The following PIK3CD variants were observed in gnomAD, a reference collection of about 807,000 sequenced individuals.
PIK3CD encodes phosphatidylinositol 4,5-bisphosphate 3-kinase catalytic subunit delta isoform.
PIK3CD carries 20 observed loss-of-function variants against 122.9 expected under a neutral mutation model. The observed-to-expected ratio is 0.16, with a 90% CI of 0.11 to 0.24. The LOEUF is 0.24. Ranked by LOEUF, PIK3CD falls within the 10% of genes least tolerant of loss-of-function variation. The pLI is 1.00. For synonymous variants in PIK3CD, 596 were observed against 593.4 expected (o/e 1.00, Z -0.06); for missense variants, 787 against 1,406.3 (o/e 0.56, Z 7.04).
the PIK3CD span, among the ~76,000 whole-genome samples, chr1:9,636,580 T>C: frequency 6.6e-6 from 1 of 152,212 alleles, no homozygotes; most frequent in African/African-American, 2.4e-5. Context: ...GGCTGCTTGC[T>C]CTTCCATTGA....
rs60167511 is a variant in PIK3CD, at chr1:9,702,500, C to CTTTTTTTTTTTTTTTTTTTTTTTT, written c.-32-7910_-32-7887dup. On this transcript the variant is annotated intron_variant, in intron 2 of 23. Coordinates refer to ENST00000377346, the MANE Select transcript of PIK3CD (RefSeq NM_005026.5). ...GTCCACTTCCAAGGAAAGAACTTTC[C>CTTTTTTTTTTTTTTTTTTTTTTTT]TTTTTTTTTTTTTTTTTTTTTTTTT... Among the ~76,000 whole-genome samples the CTTTTTTTTTTTTTTTTTTTTTTTT allele has an allele frequency of 1.2e-3, 31 of 25,826 alleles. 13 individuals are homozygous for CTTTTTTTTTTTTTTTTTTTTTTTT. Among genetic ancestry groups the CTTTTTTTTTTTTTTTTTTTTTTTT allele is most frequent in the Non-Finnish European group, 3.0e-3 (29 of 9,540 alleles). 16.9% of individuals were successfully genotyped at this position (25,826 alleles called of 152,430 possible). A position where few individuals can be genotyped will look rare whatever the true frequency, so the allele number is the denominator to read the frequency against.
At position 9,710,114 on chromosome 1, in the gene PIK3CD, A is replaced by G. The variant is rs1646990098; in HGVS notation, c.-32-310A>G. 2.7e-6 allele frequency: 1 copy of G among 372,380 alleles called. No individual in the cohort carries two copies. The allele number at this position is 372,380 out of a possible 1,614,324, so 23.1% of individuals were successfully genotyped here. A position where few individuals can be genotyped will look rare whatever the true frequency, so the allele number is the denominator to read the frequency against. On this transcript the variant is annotated intron_variant, in intron 2 of 23. Transcript: ENST00000377346. This position sits in a 1 kb window ranked among gnomAD's most constrained non-coding sequence, Gnocchi z 4.7. ...CTCCCTTCTGTGCCAGCTGGTGGCC[A>G]TGACTGGCTTTCGTGGATGTGTATG...
intron 1 of PIK3CD, among the ~76,000 whole-genome samples, chr1:9,676,693 C>T (rs1388386917): frequency 1.3e-5 from 2 of 152,202 alleles, no homozygotes; most frequent in Admixed American, 6.5e-5. Flanking sequence ...AACCTAAACC[C>T]ACTTCCTTCC....
At position 9,716,473 on chromosome 1, in the gene PIK3CD, G is replaced by A. The variant is rs781191290; in HGVS notation, c.634G>A (p.Val212Met). The change falls in exon 6 of 24, where the codon GTG becomes ATG. Residue 212 changes from valine to methionine, a missense_variant. By Grantham distance (21) the Val-to-Met change is conservative (BLOSUM62 1). Around this residue, in one of 6 missense-constraint regions of PIK3CD, gnomAD observed 592 missense variants for 920.6 expected, o/e 0.64. Coordinates refer to ENST00000377346, the MANE Select transcript of PIK3CD (RefSeq NM_005026.5). ...CACCTTCCAGGTGTCCACCAAGGAC[G>A]TGCCGCTGGCGCTGATGGCCTGTGC... ...SFTFQVSTKDVPLALMACALR... is the reference protein window; with the variant it reads ...SFTFQVSTKDMPLALMACALR... 29 of 1,611,026 alleles carry A rather than the reference G, an allele frequency of 1.8e-5. No homozygotes were observed. Among genetic ancestry groups the A allele is most frequent in the South Asian group, 3.3e-5 (3 of 91,004 alleles).
At chr1:9,684,952 C>G (rs1645913276) in intron 1 of PIK3CD, among the ~76,000 whole-genome samples, 1 of 151,738 alleles carries the variant, frequency 6.6e-6, no homozygotes. Flanking sequence ...AACTCCTGCC[C>G]CAGGTCACAA....
chr1:9,689,562 T>G lies in PIK3CD; in HGVS notation c.-137-1905T>G, dbSNP rs953225579. 3.5e-5 allele frequency among the ~76,000 whole-genome samples: 5 copies of G among 143,608 alleles called. No homozygotes were observed. Among genetic ancestry groups the G allele is most frequent in the Admixed American group, 6.9e-5 (1 of 14,554 alleles). The allele number at this position is 143,608 out of a possible 152,430, so 94.2% of individuals were successfully genotyped here. A position where few individuals can be genotyped will look rare whatever the true frequency, so the allele number is the denominator to read the frequency against. On this transcript the variant is annotated intron_variant, in intron 1 of 23. Coordinates refer to ENST00000377346, the MANE Select transcript of PIK3CD (RefSeq NM_005026.5). The surrounding 1 kb of genome is among the most constrained non-coding windows in gnomAD (Gnocchi z 6.1). ...GCCGCGCCCCTCCGCCGAGCCCCGC[T>G]TGCCTGCACCTCGCGCGGCGGGCCT...
chr1:9,720,530 G>A lies in PIK3CD; in HGVS notation c.1471-81G>A. ...GGACAGCGCCCCCTCAAGGATGATT[G>A]GGGTGGCAATGCCCGGCCTGGGGGT... is the stretch of plus-strand genomic sequence containing the variant. On this transcript the variant is annotated intron_variant, in intron 11 of 23. Transcript: ENST00000377346. This position sits in a 1 kb window ranked among gnomAD's most constrained non-coding sequence, Gnocchi z 9.0. The A allele has an allele frequency of 6.5e-7, 1 of 1,544,430 alleles. No homozygotes were observed.
chr1:9,668,989 C>T (rs780372471), intron 1 of PIK3CD, among the ~76,000 whole-genome samples: 5 of 152,030 alleles, frequency 3.3e-5, no homozygotes, highest in African/African-American at 4.8e-5. Flanking sequence ...TCATTCAAGT[C>T]CAGAATTTGT....
At position 9,719,298 on chromosome 1, in the gene PIK3CD, G is replaced by T. The variant is rs566695171; in HGVS notation, c.1242+383G>T. ...ACGGTCCCAGGATATGGCTCCCCTCGGAGCTGACTCACTCCGAGCTGAGCT... is the reference window on the plus strand; with the variant it reads ...ACGGTCCCAGGATATGGCTCCCCTCTGAGCTGACTCACTCCGAGCTGAGCT... On this transcript the variant is annotated intron_variant, in intron 9 of 23. Transcript: ENST00000377346. This position sits in a 1 kb window ranked among gnomAD's most constrained non-coding sequence, Gnocchi z 5.5. Among the ~76,000 whole-genome samples the T allele has an allele frequency of 6.6e-6, 1 of 152,282 alleles. No individual in the cohort carries two copies. Among genetic ancestry groups the T allele is most frequent in the Non-Finnish European group, 1.5e-5 (1 of 68,012 alleles).
chr1:9,680,516 A>G (rs1645709610), intron 1 of PIK3CD, among the ~76,000 whole-genome samples: 1 of 145,990 alleles, frequency 6.8e-6, no homozygotes, highest in Non-Finnish European at 1.5e-5. Context: ...GTTACTCTCT[A>G]CTTTTCTTCC....
the PIK3CD span, among the ~76,000 whole-genome samples, chr1:9,640,619 G>T: frequency 6.6e-6 from 1 of 151,902 alleles, no homozygotes; most frequent in Non-Finnish European, 1.5e-5. Flanking sequence ...TCAAGATGCT[G>T]GTGTGCTGGT....
chr1:9,650,542 T>C (rs1644652213), upstream of PIK3CD, among the ~76,000 whole-genome samples: 1 of 152,002 alleles, frequency 6.6e-6, no homozygotes, highest in Non-Finnish European at 1.5e-5. Context: ...GAGAATTGCT[T>C]GAACCCAGGA....
chr1:9,640,043 C>G, the PIK3CD span, among the ~76,000 whole-genome samples: 1 of 151,214 alleles, frequency 6.6e-6, no homozygotes, highest in Non-Finnish European at 1.5e-5. Flanking sequence ...TGCCCGACCT[C>G]CTTTCTTTCT....
chr1:9,710,632 C>CAG lies in PIK3CD; in HGVS notation c.141+58_141+59dup, dbSNP rs34885574. On this transcript the variant is annotated intron_variant, in intron 3 of 23. Transcript: ENST00000377346. This position sits in a 1 kb window ranked among gnomAD's most constrained non-coding sequence, Gnocchi z 4.7. ...CATCCGGTCCTCAGACCTTGGTGCT[C>CAG]AGAGAGAGAGAGAGAGAGAGAGACA... 0.23 allele frequency: 344,127 copies of CAG among 1,514,834 alleles called. 7,725 individuals carry two copies. The highest frequency in any genetic ancestry group is 0.4 in the South Asian group (35,149 of 87,058). 93.8% of individuals were successfully genotyped at this position (1,514,834 alleles called of 1,614,324 possible). A position where few individuals can be genotyped will look rare whatever the true frequency, so the allele number is the denominator to read the frequency against.
At chr1:9,691,926 T>C (rs1318088879) in intron 2 of PIK3CD, 1 of 180,654 alleles carries the variant, frequency 5.5e-6, no homozygotes, top group African/African-American at 2.3e-5. Flanking sequence ...GAGAGAAATA[T>C]TAAAAGTTTT....
chr1:9,721,284 G>C (rs1190476807), intron 14 of PIK3CD, 36 bp downstream of exon 14: 2 of 1,612,650 alleles, frequency 1.2e-6, no homozygotes, highest in East Asian at 4.5e-5. Context: ...CTTCTCCAGA[G>C]GGCAGCTGTG....
chr1:9,663,098 C>G (rs1486417905), intron 1 of PIK3CD, among the ~76,000 whole-genome samples: 1 of 152,208 alleles, frequency 6.6e-6, no homozygotes, highest in Non-Finnish European at 1.5e-5. Context: ...GAAGAAATGA[C>G]AGCCATCCAA....
chr1:9,675,857 T>C (rs995925795), intron 1 of PIK3CD, among the ~76,000 whole-genome samples: 1 of 152,032 alleles, frequency 6.6e-6, no homozygotes, highest in African/African-American at 2.4e-5. Flanking sequence ...CCTCAACCTC[T>C]TGGGCTCAAG....
the PIK3CD span, among the ~76,000 whole-genome samples, chr1:9,629,366 G>A: frequency 6.6e-6 from 1 of 151,972 alleles, no homozygotes; most frequent in South Asian, 2.1e-4. Context: ...CCCCAGGGGA[G>A]GACGGTCCTC....
Sources: gnomAD v4.1 joint callset for allele counts (sites outside exome capture counted in the v4.1 genomes callset) on GRCh38, gnomAD v4.1.1 for gene constraint, gnomAD v4.1.1 regional missense constraint, Gnocchi (gnomAD v3.1) non-coding constraint, MANE v1.5 for transcripts, NCBI Gene and HGNC (gene_info 2026-07-23, HGNC 2026-07-21) for gene names.